The following ELMOD3 variants were observed in gnomAD, a reference collection of about 807,000 sequenced individuals.
ELMOD3 encodes the protein ELMO domain-containing protein 3.
Under a neutral mutation model 47.4 loss-of-function variants are expected in ELMOD3, and 36 were observed. That is an observed-to-expected ratio of 0.76 (90% CI 0.58 to 1.00). ELMOD3 has a LOEUF of 1.00. Ranked by LOEUF, ELMOD3 falls within the 50% of genes least tolerant of loss-of-function variation. The pLI is 0.00. For synonymous variants in ELMOD3, 149 were observed against 183.5 expected (o/e 0.81, Z 1.52); for missense variants, 404 against 463.8 (o/e 0.87, Z 1.18).
At chr2:85,385,849 A>G (rs59646971) in intron 11 of ELMOD3, among the ~76,000 whole-genome samples, 3,596 of 152,196 alleles carry the variant, frequency 0.024, 148 homozygotes, top group African/African-American at 0.081. Context: ...GTAGTAAATT[A>G]GAGATGATGC....
rs1684930961 is a variant in ELMOD3 at position 85,373,260 on chromosome 2, T to TA, written c.607+1706dup. On this transcript the variant is annotated intron_variant, in intron 10 of 13. Coordinates refer to ENST00000409013, the MANE Select transcript of ELMOD3 (RefSeq NM_001135022.2). The stretch of plus-strand genomic sequence containing the variant: ...AACAAGACTCTGTCTCAAAAAATTT[T>TA]AAAAAAAAGATAAAAGGAAACTTTA... Among the ~76,000 whole-genome samples the TA allele has an allele frequency of 8.6e-5, 13 of 151,818 alleles. No individual in the cohort carries two copies. The South Asian group carries it at 2.5e-3, about 29-fold the overall frequency.
In ELMOD3 at chr2:85,369,767, G is replaced by C. The variant is rs140138704; in HGVS notation, c.297G>C (p.Gly99=). The C allele has an allele frequency of 1.9e-6, 3 of 1,614,006 alleles. No individual in the cohort carries two copies. The African/African-American group carries it at 4.0e-5, about 22-fold the overall frequency. ...GCCAAGCTAGCTCAGAGCAGCCTGGGCAGCTAATCTCCTTCAGTGAGGCCC... is the reference window on the plus strand; with the variant it reads ...GCCAAGCTAGCTCAGAGCAGCCTGGCCAGCTAATCTCCTTCAGTGAGGCCC... ...TGSQASSEQP[G]QLISFSEALQ... The change falls in exon 8 of 14, where the codon GGG becomes GGC. Residue 99 remains glycine, a synonymous_variant. Transcript: ENST00000409013.
intron 11 of ELMOD3, among the ~76,000 whole-genome samples, chr2:85,377,692 A>G (rs1339758847): frequency 6.6e-6 from 1 of 152,236 alleles, no homozygotes; most frequent in Non-Finnish European, 1.5e-5. Flanking sequence ...CAGAATGGAA[A>G]TCATAGTGTT....
chr2:85,359,724 C>T (rs1683815991), intron 4 of ELMOD3, among the ~76,000 whole-genome samples: 1 of 152,104 alleles, frequency 6.6e-6, no homozygotes, highest in Non-Finnish European at 1.5e-5. Flanking sequence ...GCCACGGTGC[C>T]TGGTGACGTT....
intron 6 of ELMOD3, among the ~76,000 whole-genome samples, chr2:85,363,886 C>T (rs1243531445): frequency 6.6e-6 from 1 of 152,220 alleles, no homozygotes; most frequent in Non-Finnish European, 1.5e-5. Context: ...GTCCCTCCCA[C>T]AGCACATGGG....
chr2:85,356,568 A>G (rs1683578285), intron 3 of ELMOD3: 1 of 152,260 alleles, frequency 6.6e-6, no homozygotes, highest in African/African-American at 2.4e-5. Context: ...GTTCATTCAG[A>G]ATAAATTCAC....
At chr2:85,368,067 C>T (rs1415491141) in intron 6 of ELMOD3, among the ~76,000 whole-genome samples, 1 of 152,148 alleles carries the variant, frequency 6.6e-6, no homozygotes, top group East Asian at 1.9e-4. Context: ...CCTGCCACCA[C>T]GCCCAGCTAA....
rs560834886 is a variant in ELMOD3, at chr2:85,368,570, AC to A, written c.200-112del. On this transcript the variant is annotated intron_variant, in intron 6 of 13. Transcript: ENST00000409013. ...ACTCCAGCCTGGGCAACACAGTGAC[AC>A]CCCATCTCTTAAAAAAAAAAATAGG... The A allele has an allele frequency of 8.0e-4, 701 of 879,170 alleles. 3 individuals are homozygous for A. The African/African-American group carries it at 9.9e-3, about 12-fold the overall frequency. The allele number at this position is 879,170 out of a possible 1,614,324, so 54.5% of individuals were successfully genotyped here.
rs1269588180 is a variant in ELMOD3, at chr2:85,376,320, A to G, written c.608-1024A>G. On this transcript the variant is annotated intron_variant, in intron 10 of 13. Coordinates refer to ENST00000409013, the MANE Select transcript of ELMOD3 (RefSeq NM_001135022.2). This position sits in a 1 kb window ranked among gnomAD's most constrained non-coding sequence, Gnocchi z 4.2. ...ACTCTGGATCTTACTTAAATCTTCT[A>G]CTTTAGCAGGCCTCCCCTGTTACTG... 6.6e-6 allele frequency among the ~76,000 whole-genome samples: 1 copy of G among 152,198 alleles called. No homozygotes were observed. Among genetic ancestry groups the G allele is most frequent in the South Asian group, 2.1e-4 (1 of 4,820 alleles).
intron 10 of ELMOD3, among the ~76,000 whole-genome samples, chr2:85,374,066 C>G (rs1174044820): frequency 6.6e-6 from 1 of 151,942 alleles, no homozygotes. Flanking sequence ...ATATAAAATT[C>G]CAGGTTGACA....
intron 4 of ELMOD3, among the ~76,000 whole-genome samples, chr2:85,360,323 T>C (rs1372174833): frequency 1.3e-5 from 2 of 149,270 alleles, no homozygotes; most frequent in Non-Finnish European, 3.0e-5. Context: ...AAACCATCTA[T>C]ATCCTTTTTC....
At position 85,357,055 on chromosome 2, in the gene ELMOD3, T is replaced by C. The variant is rs758798456; in HGVS notation, c.-144T>C. On this transcript the variant is annotated 5_prime_UTR_variant, in exon 4 of 14. Coordinates refer to ENST00000409013, the MANE Select transcript of ELMOD3 (RefSeq NM_001135022.2). ...GGATGGCACAAAGGGACTGTTTTCTTACTCTTAGTCTGAGTGACTGCCAAG... is the reference window on the plus strand; with the variant it reads ...GGATGGCACAAAGGGACTGTTTTCTCACTCTTAGTCTGAGTGACTGCCAAG... 128 of 589,240 alleles carry C rather than the reference T, an allele frequency of 2.2e-4. 1 individual carries two copies. Among genetic ancestry groups the C allele is most frequent in the Non-Finnish European group, 1.6e-4 (52 of 333,884 alleles). 36.5% of individuals were successfully genotyped at this position (589,240 alleles called of 1,614,324 possible). A position where few individuals can be genotyped will look rare whatever the true frequency, so the allele number is the denominator to read the frequency against.
chr2:85,361,478 C>T lies in ELMOD3; in HGVS notation c.55-708C>T, dbSNP rs1683951647. 2.0e-5 allele frequency among the ~76,000 whole-genome samples: 3 copies of T among 152,086 alleles called. No individual in the cohort carries two copies. In the South Asian group the frequency reaches 6.2e-4, roughly 32 times the overall value. Reference sequence around the variant, plus strand: ...TACTGGGAAAAGTTGCAACATTTACCTTTGCAGGGACATGGATGGAGCTGG... The same window carrying T: ...TACTGGGAAAAGTTGCAACATTTACTTTTGCAGGGACATGGATGGAGCTGG... On this transcript the variant is annotated intron_variant, in intron 4 of 13. Transcript: ENST00000409013.
intron 7 of ELMOD3, 75 bp downstream of exon 7, chr2:85,368,829 T>C: frequency 6.7e-7 from 1 of 1,482,780 alleles, no homozygotes; most frequent in African/African-American, 1.4e-5. Flanking sequence ...GTGGCAAATG[T>C]TTCTGTGAGT....
chr2:85,371,416 G>A, intron 9 of ELMOD3, 24 bp from the exon 10 acceptor site: 1 of 1,613,934 alleles, frequency 6.2e-7, no homozygotes, highest in Non-Finnish European at 8.5e-7. Flanking sequence ...ATCTGGCAGA[G>A]AGTGTGGGTG....
intron 6 of ELMOD3, among the ~76,000 whole-genome samples, chr2:85,365,022 C>A (rs892380045): frequency 6.7e-6 from 1 of 149,300 alleles, no homozygotes; most frequent in African/African-American, 2.5e-5. Context: ...GTTGCCCAGG[C>A]TGGTCTCAAA....
At position 85,376,246 on chromosome 2, in the gene ELMOD3, A is replaced by G. The variant is rs574926345; in HGVS notation, c.608-1098A>G. Among the ~76,000 whole-genome samples the G allele has an allele frequency of 5.1e-4, 77 of 152,178 alleles. No individual in the cohort carries two copies. Among genetic ancestry groups the G allele is most frequent in the Non-Finnish European group, 9.4e-4 (64 of 68,034 alleles). On this transcript the variant is annotated intron_variant, in intron 10 of 13. Transcript: ENST00000409013. The surrounding 1 kb of genome is among the most constrained non-coding windows in gnomAD (Gnocchi z 4.2). ...TGAGAATTACCTAGTTCTTGGTGTA[A>G]CAACTGATTTTTTATTGTATCTTAG...
chr2:85,362,449 A>G (rs942797297), intron 5 of ELMOD3, among the ~76,000 whole-genome samples, 189 bp downstream of exon 5: 1 of 152,170 alleles, frequency 6.6e-6, no homozygotes. Context: ...TCTATTTAAT[A>G]AGATAATTGC....
At chr2:85,384,385 A>C (rs1273199236) in intron 11 of ELMOD3, among the ~76,000 whole-genome samples, 1 of 152,188 alleles carries the variant, frequency 6.6e-6, no homozygotes. Context: ...TGCCTTGCAC[A>C]GGGGTAGCAT....
Sources: allele counts gnomAD v4.1 joint callset (sites outside exome capture counted in the v4.1 genomes callset), GRCh38; gene constraint gnomAD v4.1.1; non-coding constraint Gnocchi (gnomAD v3.1); transcripts MANE v1.5; gene names NCBI Gene and HGNC (gene_info 2026-07-23, HGNC 2026-07-21).